The following RAPGEF6 variants were observed in gnomAD, a reference collection of about 807,000 sequenced individuals.
The protein encoded by RAPGEF6 is Rap guanine nucleotide exchange factor 6, also known as PDZ domain containing guanine nucleotide exchange factor (GEF) 2.
Under a neutral mutation model 171.4 loss-of-function variants are expected in RAPGEF6, and 56 were observed. The ratio of observed to expected loss-of-function variants is 0.33; its 90% CI spans 0.26 to 0.41. RAPGEF6 has a LOEUF of 0.41. Among genes scored for constraint, RAPGEF6 ranks in the 10% least tolerant of loss-of-function variants. The probability of loss-of-function intolerance (pLI) is 1.00; values close to 1 mark genes in which losing one functional copy is unlikely to be tolerated. For missense variants in RAPGEF6, 1,674 were observed against 1,921.4 expected (o/e 0.87, Z 2.41); for synonymous variants, 692 against 650.1 (o/e 1.06, Z -0.98).
At chr5:131,562,817 T>C (rs1761687778) in intron 4 of RAPGEF6, among the ~76,000 whole-genome samples, 1 of 152,146 alleles carries the variant, frequency 6.6e-6, no homozygotes, top group Non-Finnish European at 1.5e-5. Context: ...AATTAATGGA[T>C]GTGAAACCCA....
chr5:131,430,369 T>G (rs1364649861), intron 26 of RAPGEF6, among the ~76,000 whole-genome samples: 3 of 151,460 alleles, frequency 2.0e-5, no homozygotes, highest in African/African-American at 7.3e-5. Context: ...CAAACAGGAG[T>G]TGGCACACTC....
intron 1 of RAPGEF6, among the ~76,000 whole-genome samples, chr5:131,613,154 T>A (rs979440125): frequency 6.6e-6 from 1 of 152,216 alleles, no homozygotes; most frequent in African/African-American, 2.4e-5. Context: ...CTCACGCCTA[T>A]AATCCCAGCA....
intron 2 of RAPGEF6, among the ~76,000 whole-genome samples, chr5:131,603,742 T>C (rs759532626): frequency 7.9e-5 from 12 of 152,108 alleles, no homozygotes; most frequent in Non-Finnish European, 1.8e-4. Flanking sequence ...TTTTGAGTAT[T>C]ACAAAATGCT....
intron 4 of RAPGEF6, among the ~76,000 whole-genome samples, chr5:131,562,494 A>C (rs1414531745): frequency 6.6e-6 from 1 of 152,216 alleles, no homozygotes; most frequent in Non-Finnish European, 1.5e-5. Context: ...AAAAAAACTT[A>C]AAAAATATTC....
At chr5:131,505,769 T>C (rs1028160075) in intron 9 of RAPGEF6, among the ~76,000 whole-genome samples, 3 of 152,172 alleles carry the variant, frequency 2.0e-5, no homozygotes, top group South Asian at 4.1e-4. Context: ...TGAGACAAAA[T>C]AGTGTAATGT....
At chr5:131,515,406 A>G (rs1758007130) in intron 7 of RAPGEF6, among the ~76,000 whole-genome samples, 1 of 152,230 alleles carries the variant, frequency 6.6e-6, no homozygotes, top group South Asian at 2.1e-4. Flanking sequence ...ATAAAGTTTT[A>G]GTTAGCAGAG....
intron 7 of RAPGEF6, among the ~76,000 whole-genome samples, chr5:131,520,275 T>C (rs750676477): frequency 3.3e-5 from 5 of 152,198 alleles, no homozygotes; most frequent in Admixed American, 6.5e-5. Context: ...ATGTGGTTAT[T>C]AGGCACTTAA....
At chr5:131,617,003 G>A (rs1172697702) in intron 1 of RAPGEF6, among the ~76,000 whole-genome samples, 1 of 152,070 alleles carries the variant, frequency 6.6e-6, no homozygotes, top group African/African-American at 2.4e-5. Flanking sequence ...ATCTATCCCA[G>A]GAATTTTAAC....
At chr5:131,524,496 T>C (rs997187786) in intron 6 of RAPGEF6, among the ~76,000 whole-genome samples, 5 of 148,404 alleles carry the variant, frequency 3.4e-5, no homozygotes, top group African/African-American at 1.2e-4. Flanking sequence ...AATCAAAGAA[T>C]GGAAAAATAT....
At chr5:131,613,149 G>A (rs1386463700) in intron 1 of RAPGEF6, among the ~76,000 whole-genome samples, 4 of 152,138 alleles carry the variant, frequency 2.6e-5, no homozygotes, top group African/African-American at 7.2e-5. Flanking sequence ...GGTGGCTCAC[G>A]CCTATAATCC....
intron 6 of RAPGEF6, among the ~76,000 whole-genome samples, chr5:131,523,107 G>A (rs1758612686): frequency 6.6e-6 from 1 of 152,006 alleles, no homozygotes; most frequent in African/African-American, 2.4e-5. Flanking sequence ...CTGATAAAAA[G>A]TATGGAATAA....
intron 21 of RAPGEF6, 144 bp from the exon 22 acceptor site, chr5:131,446,847 A>G: frequency 4.0e-6 from 3 of 746,434 alleles, no homozygotes; most frequent in Non-Finnish European, 6.4e-6. Flanking sequence ...AATGCAAAGT[A>G]ATTTGGCACA....
chr5:131,536,301 G>A (rs1044657863), intron 6 of RAPGEF6, among the ~76,000 whole-genome samples: 4 of 152,030 alleles, frequency 2.6e-5, no homozygotes, highest in East Asian at 1.9e-4. Context: ...TTTTCCACCC[G>A]TTTTCCCCCA....
At chr5:131,467,068 G>C (rs562516914) in intron 17 of RAPGEF6, among the ~76,000 whole-genome samples, 1 of 152,138 alleles carries the variant, frequency 6.6e-6, no homozygotes, top group South Asian at 2.1e-4. Context: ...GGAATGGGGA[G>C]ATGTTCTGAT....
At chr5:131,515,753 G>T (rs1415374574) in intron 7 of RAPGEF6, among the ~76,000 whole-genome samples, 2 of 152,146 alleles carry the variant, frequency 1.3e-5, no homozygotes, top group African/African-American at 4.8e-5. Flanking sequence ...AGAAGAGCAT[G>T]ATTAAAACAC....
intron 7 of RAPGEF6, 135 bp downstream of exon 7, chr5:131,521,254 TA>T: frequency 1.1e-6 from 1 of 883,652 alleles, no homozygotes; most frequent in Non-Finnish European, 1.6e-6. Flanking sequence ...ACACAGTATA[TA>T]AAGCTTATTT....
chr5:131,612,416 A>C, intron 1 of RAPGEF6, among the ~76,000 whole-genome samples: 1 of 151,982 alleles, frequency 6.6e-6, no homozygotes, highest in East Asian at 1.9e-4. Context: ...AGGTAGGCTA[A>C]GCTATGATTT....
intron 7 of RAPGEF6, among the ~76,000 whole-genome samples, chr5:131,511,704 C>T (rs957930867): frequency 2.8e-4 from 42 of 152,116 alleles, no homozygotes; most frequent in African/African-American, 1.0e-3. Flanking sequence ...GGTTGCTATG[C>T]TGCCCAGGCT....
At chr5:131,544,686 A>T (rs1354155338) in intron 6 of RAPGEF6, among the ~76,000 whole-genome samples, 2 of 152,194 alleles carry the variant, frequency 1.3e-5, no homozygotes, top group African/African-American at 4.8e-5. Flanking sequence ...TTTCATTTAA[A>T]AAAAATTTTT....
Sources: gnomAD v4.1 joint callset for allele counts (sites outside exome capture counted in the v4.1 genomes callset) on GRCh38, gnomAD v4.1.1 for gene constraint, MANE v1.5 for transcripts, NCBI Gene and HGNC (gene_info 2026-07-23, HGNC 2026-07-21) for gene names.